The following PRIM2 variants were observed in gnomAD, a reference collection of about 807,000 sequenced individuals.
PRIM2 encodes the protein DNA primase subunit 2, also known as DNA primase large subunit.
PRIM2 carries 39 observed loss-of-function variants against 67.3 expected under a neutral mutation model. The observed-to-expected ratio is 0.58, with a 90% confidence interval of 0.45 to 0.76. The LOEUF (loss-of-function observed/expected upper bound fraction) is 0.76. Ranked by LOEUF, PRIM2 falls within the 30% of genes least tolerant of loss-of-function variation. The probability of loss-of-function intolerance (pLI) is 0.00; values close to 1 mark genes in which losing one functional copy is unlikely to be tolerated. For synonymous variants in PRIM2, 143 were observed against 198.7 expected, an observed-to-expected ratio of 0.72 and a Z score of 2.36; for missense variants, 398 against 598.7, an observed-to-expected ratio of 0.66 and a Z score of 3.50.
At chr6:57,627,279 C>CAAAAAAAAAAAAAAAAAAAAAAAA (rs1158722297) in intron 12 of PRIM2, among the ~76,000 whole-genome samples, 1 of 24,538 alleles carries the variant, frequency 4.1e-5, no homozygotes, top group African/African-American at 1.2e-4. Context: ...GACTCTGTCT[C>CAAAAAAAAAAAAAAAAAAAAAAAA]AAAAAAAAAA....
chr6:57,362,299 T>C (rs2127313739), intron 5 of PRIM2, among the ~76,000 whole-genome samples: 1 of 152,300 alleles, frequency 6.6e-6, no homozygotes, highest in East Asian at 1.9e-4. Flanking sequence ...TATTAAAAAT[T>C]GCCAAAGATT....
intron 8 of PRIM2, among the ~76,000 whole-genome samples, chr6:57,518,271 G>A (rs1451501502): frequency 6.6e-6 from 1 of 152,212 alleles, no homozygotes; most frequent in Non-Finnish European, 1.5e-5. Context: ...AAACAAAAAT[G>A]TGTATAGCGG....
intron 8 of PRIM2, among the ~76,000 whole-genome samples, chr6:57,514,183 A>G (rs1774432618): frequency 6.6e-6 from 1 of 152,226 alleles, no homozygotes; most frequent in Admixed American, 6.5e-5. Context: ...TTTTGTTAAT[A>G]TGCACACATT....
At chr6:57,617,689 TC>T (rs1262709753) in intron 12 of PRIM2, among the ~76,000 whole-genome samples, 1 of 152,208 alleles carries the variant, frequency 6.6e-6, no homozygotes, top group Non-Finnish European at 1.5e-5. Context: ...AAATATGTTC[TC>T]CTATTCTGTA....
chr6:57,272,448 C>T, the PRIM2 span, among the ~76,000 whole-genome samples: 1 of 152,086 alleles, frequency 6.6e-6, no homozygotes, highest in East Asian at 1.9e-4. Flanking sequence ...AGGATTGCAA[C>T]CCCTGCCTTT....
the PRIM2 span, among the ~76,000 whole-genome samples, chr6:57,241,629 G>A: frequency 1.3e-5 from 2 of 151,600 alleles, no homozygotes; most frequent in Non-Finnish European, 2.9e-5. Flanking sequence ...TTGGGGGGAT[G>A]GGGAGGAGTA....
the PRIM2 span, among the ~76,000 whole-genome samples, chr6:57,244,638 G>A: frequency 6.6e-6 from 1 of 152,044 alleles, no homozygotes; most frequent in Non-Finnish European, 1.5e-5. Context: ...GCGCATGCCT[G>A]TAATCCCAGC....
At chr6:57,516,261 C>T (rs1434023377) in intron 8 of PRIM2, among the ~76,000 whole-genome samples, 2 of 152,194 alleles carry the variant, frequency 1.3e-5, no homozygotes, top group African/African-American at 2.4e-5. Context: ...TAACCTAACA[C>T]ATTCAGAGGA....
chr6:57,365,949 C>CAA (rs5876544), intron 5 of PRIM2, among the ~76,000 whole-genome samples: 1,213 of 62,152 alleles, frequency 0.02, 121 homozygotes, highest in African/African-American at 0.022. Flanking sequence ...GACCATATCT[C>CAA]AAAAAAAAAA....
At chr6:57,385,763 G>A (rs1240039380) in intron 7 of PRIM2, among the ~76,000 whole-genome samples, 1 of 152,082 alleles carries the variant, frequency 6.6e-6, no homozygotes, top group East Asian at 1.9e-4. Flanking sequence ...GGGTTTATCT[G>A]ATGTTTCTGC....
At chr6:57,621,511 C>T (rs1329736846) in intron 12 of PRIM2, among the ~76,000 whole-genome samples, 10 of 151,618 alleles carry the variant, frequency 6.6e-5, no homozygotes, top group African/African-American at 2.4e-4. Flanking sequence ...TAGTGGTTAT[C>T]CTGGGGACTG....
At chr6:57,511,880 T>C (rs1209346636) in intron 8 of PRIM2, among the ~76,000 whole-genome samples, 8 of 152,132 alleles carry the variant, frequency 5.3e-5, no homozygotes, top group Non-Finnish European at 1.2e-4. Context: ...GACCCACAGT[T>C]GAAGAGTGAG....
At chr6:57,273,348 ACTTCT>A in the PRIM2 span, among the ~76,000 whole-genome samples, 1 of 151,878 alleles carries the variant, frequency 6.6e-6, no homozygotes, top group Admixed American at 6.6e-5. Flanking sequence ...TTTTCTCTAA[ACTTCT>A]CTTCTCACTT....
chr6:57,492,288 A>G (rs1250672496), intron 7 of PRIM2, among the ~76,000 whole-genome samples: 1 of 152,176 alleles, frequency 6.6e-6, no homozygotes, highest in Non-Finnish European at 1.5e-5. Context: ...CACACCTGTA[A>G]TCCCAGCACT....
At chr6:57,280,568 G>A in the PRIM2 span, among the ~76,000 whole-genome samples, 7 of 151,952 alleles carry the variant, frequency 4.6e-5, no homozygotes, top group Admixed American at 6.6e-5. Flanking sequence ...GGAGTGCAAC[G>A]GCATGGTCTT....
chr6:57,324,409 G>A, intron 4 of PRIM2, 129 bp downstream of exon 4: 1 of 485,760 alleles, frequency 2.1e-6, no homozygotes, highest in Non-Finnish European at 3.7e-6. Context: ...TTGATCATGG[G>A]GTTGAACACT....
At chr6:57,425,762 G>C (rs1771601944) in intron 7 of PRIM2, among the ~76,000 whole-genome samples, 1 of 152,126 alleles carries the variant, frequency 6.6e-6, no homozygotes, top group Non-Finnish European at 1.5e-5. Context: ...AGAGATCTGA[G>C]GGACAGAGGG....
chr6:57,259,992 A>G, the PRIM2 span, among the ~76,000 whole-genome samples: 4 of 152,200 alleles, frequency 2.6e-5, no homozygotes, highest in African/African-American at 7.2e-5. Context: ...CTGGGTTGCA[A>G]TTAAATTAGT....
At chr6:57,560,957 A>G (rs1226465292) in intron 10 of PRIM2, among the ~76,000 whole-genome samples, 2 of 151,992 alleles carry the variant, frequency 1.3e-5, no homozygotes, top group South Asian at 4.1e-4. Flanking sequence ...ATAGCCCCTA[A>G]CAAGAAAGTT....
Sources: gnomAD v4.1 joint callset for allele counts (sites outside exome capture counted in the v4.1 genomes callset) on GRCh38, gnomAD v4.1.1 for gene constraint, MANE v1.5 for transcripts, NCBI Gene and HGNC (gene_info 2026-07-23, HGNC 2026-07-21) for gene names.